The following JAG2 variants were observed in gnomAD, a reference collection of about 807,000 sequenced individuals.
JAG2 encodes protein jagged-2.
In JAG2, 46 loss-of-function variants were observed where a neutral mutation model predicts 141.7. The observed-to-expected ratio is 0.32, with a 90% confidence interval of 0.26 to 0.42. The LOEUF (loss-of-function observed/expected upper bound fraction) is 0.42, where lower values mean the gene tolerates loss of function less well. JAG2 is among the 10% of genes least tolerant of loss of function. The pLI, the probability that JAG2 is intolerant of heterozygous loss-of-function variation, is 1.00. For missense variants in JAG2, 1,500 were observed against 1,817.5 expected (o/e 0.83, Z 3.18); for synonymous variants, 862 against 763.5 (o/e 1.13, Z -2.13).
At chr14:105,149,786 G>A (rs587691753) in intron 12 of JAG2, among the ~76,000 whole-genome samples, 38 of 142,916 alleles carry the variant, frequency 2.7e-4, no homozygotes, top group African/African-American at 9.0e-4. Context: ...GATCGTGGGC[G>A]GCCGAGGGTG....
intron 5 of JAG2, among the ~76,000 whole-genome samples, chr14:105,155,218 G>A (rs1407538552): frequency 3.3e-5 from 5 of 151,102 alleles, no homozygotes; most frequent in African/African-American, 1.2e-4. Context: ...GCCGCTCGCC[G>A]CCCACCCCCT....
At position 105,168,043 on chromosome 14, in the gene JAG2, AG is replaced by A; in HGVS notation, c.130del (p.Leu44CysfsTer2). On this transcript the variant is annotated frameshift_variant, in exon 2 of 26. Transcript: ENST00000331782. LOFTEE classifies it high-confidence loss of function. Reference protein sequence around the residue: ...LSALRNVNGELLSGACCDGDG... With the variant: ...LSALRNVNGEXLSGACCDGDG... ...GCCGTCACAGCAGGCGCCGCTCAGC[AG>A]CTCCCCGTTCACGTTCCGCAGCGCG... The A allele has an allele frequency of 6.3e-7, 1 of 1,594,292 alleles. No individual in the cohort carries two copies. The highest frequency in any genetic ancestry group is 8.5e-7 in the Non-Finnish European group (1 of 1,176,534).
intron 3 of JAG2, 109 bp downstream of exon 3, chr14:105,157,597 G>T: frequency 4.6e-6 from 5 of 1,080,966 alleles, no homozygotes; most frequent in Admixed American, 4.0e-5. Context: ...CAGCACACAT[G>T]ATCCTCAGGG....
At chr14:105,164,834 G>T (rs922562932) in intron 2 of JAG2, among the ~76,000 whole-genome samples, 1 of 152,150 alleles carries the variant, frequency 6.6e-6, no homozygotes, top group African/African-American at 2.4e-5. Flanking sequence ...ATGAAAAAGC[G>T]GCAGTGTGCC....
In JAG2 at chr14:105,151,334, C is replaced by T. The variant is rs753268953; in HGVS notation, c.1216G>A (p.Gly406Ser). 9.3e-6 allele frequency: 15 copies of T among 1,612,642 alleles called. No homozygotes were observed. Among genetic ancestry groups the T allele is most frequent in the Middle Eastern group, 1.6e-4 (1 of 6,084 alleles). ...TGCTCGGGGCAGATGCACTCAAAGC[C>T]GTCCACCTGGTCCACACAGGTGCCA... ...AGGTCVDQVD[G>S]FECICPEQWV... Residue 406 changes from glycine to serine, a missense_variant, in exon 9 of 26, where the codon GGC becomes AGC. Physicochemically the swap from Gly to Ser is moderately conservative, Grantham distance 56. Transcript: ENST00000331782.
chr14:105,165,425 C>T (rs1450187179), intron 2 of JAG2, among the ~76,000 whole-genome samples: 2 of 152,160 alleles, frequency 1.3e-5, no homozygotes, highest in Non-Finnish European at 2.9e-5. Flanking sequence ...AGGCTGACAC[C>T]GGCCTCCTGG....
Position 105,151,565 on chromosome 14 carries a change from C to T in JAG2, c.1153+61G>A, listed in dbSNP as rs587703640. 40 of 1,439,524 alleles carry T rather than the reference C, an allele frequency of 2.8e-5. 2 individuals carry two copies. The South Asian group carries it at 4.4e-4, about 16-fold the overall frequency. 89.2% of individuals were successfully genotyped at this position (1,439,524 alleles called of 1,614,324 possible). A position where few individuals can be genotyped will look rare whatever the true frequency, so the allele number is the denominator to read the frequency against. ...CTGCACCCCATCCCCAGCGAGTTGCCCCACTCCCAGACCCCCACTGATACT... is the reference window on the plus strand; with the variant it reads ...CTGCACCCCATCCCCAGCGAGTTGCTCCACTCCCAGACCCCCACTGATACT... On this transcript the variant is annotated intron_variant, in intron 8 of 25. Transcript: ENST00000331782.
chr14:105,162,770 GTA>G (rs1888793282), intron 2 of JAG2, among the ~76,000 whole-genome samples: 1 of 69,646 alleles, frequency 1.4e-5, no homozygotes, highest in Admixed American at 1.7e-4. Flanking sequence ...ATGGCCCAGT[GTA>G]CCCACAGTCC....
At chr14:105,166,257 C>A (rs1472595008) in intron 2 of JAG2, among the ~76,000 whole-genome samples, 1 of 152,260 alleles carries the variant, frequency 6.6e-6, no homozygotes, top group South Asian at 2.1e-4. Flanking sequence ...CGCGATAGCC[C>A]GCCACATTCC....
In JAG2 at chr14:105,168,180, G is replaced by A. The variant is rs587709029; in HGVS notation, c.67-73C>T. On this transcript the variant is annotated intron_variant, in intron 1 of 25. Transcript: ENST00000331782. ...GGCGGGCCGGGCGCCAGGGGTGGGG[G>A]AACAGGCCCCGCCGCCCCGCCCCCA... 1.2e-4 allele frequency: 160 copies of A among 1,295,054 alleles called. 1 individual carries two copies. In the Admixed American group the frequency reaches 5.9e-3, roughly 48 times the overall value. 80.2% of individuals were successfully genotyped at this position (1,295,054 alleles called of 1,614,324 possible).
chr14:105,153,532 C>T (rs1240041617), intron 5 of JAG2, among the ~76,000 whole-genome samples: 1 of 152,232 alleles, frequency 6.6e-6, no homozygotes, highest in Non-Finnish European at 1.5e-5. Flanking sequence ...ACCAGGCCCC[C>T]ACCTCCTGGT....
intron 17 of JAG2, 77 bp from the exon 18 acceptor site, chr14:105,147,965 C>A: frequency 7.9e-7 from 1 of 1,269,900 alleles, no homozygotes; most frequent in Non-Finnish European, 1.1e-6. Context: ...CGCCCCCAAC[C>A]CAGACAGGGC....
rs587670525 is a variant in JAG2, at chr14:105,157,162, G to A, written c.475+544C>T. ...ATAAGGCAGCCACAGCTTGCCAGGC[G>A]GAGCCCGTGTCCTCTCAGTGGCTTG... On this transcript the variant is annotated intron_variant, in intron 3 of 25. Transcript: ENST00000331782. 5.3e-5 allele frequency among the ~76,000 whole-genome samples: 8 copies of A among 152,250 alleles called. No homozygotes were observed. In the East Asian group the frequency reaches 1.5e-3, roughly 29 times the overall value.
rs1223310872 is a variant in JAG2, at chr14:105,149,218, T to C, written c.1705A>G (p.Lys569Glu). The C allele has an allele frequency of 1.2e-6, 2 of 1,612,310 alleles. No individual in the cohort carries two copies. Among genetic ancestry groups the C allele is most frequent in the Non-Finnish European group, 1.7e-6 (2 of 1,179,880 alleles). Residue 569 changes from lysine (K) to glutamate (E), a missense_variant, in exon 13 of 26, where the codon AAG (lysine) becomes GAG (glutamate). Physicochemically the swap from Lys to Glu is moderately conservative, Grantham distance 56. Around this residue, in one of 3 missense-constraint regions of JAG2, gnomAD observed 875 missense variants for 1,202.2 expected, o/e 0.73. Coordinates refer to ENST00000331782, the MANE Select transcript of JAG2 (RefSeq NM_002226.5). ...GGCTCGCGGGGCACGGAGCAGTTCT[T>C]GCCACCAAAGTCATCAGGGCAGGCG... ...YCACPDDFGG[K>E]NCSVPREPCP...
At position 105,146,622 on chromosome 14, in the gene JAG2, C is replaced by T. The variant is rs142270463; in HGVS notation, c.2582G>A (p.Arg861Gln). Reference protein sequence around the residue: ...CSCPPGRAGPRCQEVIGFGRS... With the variant: ...CSCPPGRAGPQCQEVIGFGRS... ...CACACGGGGCCTACCTTCCTGGCAC[C>T]GGGGGCCGGCTCGGCCGGGTGGGCA... The change falls in exon 21 of 26, where the codon CGG becomes CAG. Residue 861 changes from arginine to glutamine, a missense_variant. Arg to Gln is a conservative substitution (Grantham distance 43). This residue lies in a region of JAG2 where 875 missense variants were observed against 1,202.2 expected (regional missense o/e 0.73). Transcript: ENST00000331782. 138 of 1,612,534 alleles carry T rather than the reference C, an allele frequency of 8.6e-5. 1 individual carries two copies. The African/African-American group carries it at 1.1e-3, about 13-fold the overall frequency.
intron 19 of JAG2, 33 bp from the exon 20 acceptor site, chr14:105,147,444 C>T: frequency 6.2e-7 from 1 of 1,609,982 alleles, no homozygotes; most frequent in South Asian, 1.1e-5. Context: ...CAGGTGGCCC[C>T]CCGTGGTATG....
intron 20 of JAG2, 192 bp from the exon 21 acceptor site, chr14:105,146,916 A>G: frequency 1.5e-6 from 1 of 667,318 alleles, no homozygotes; most frequent in Admixed American, 2.1e-5. Flanking sequence ...CTGGCCCAAC[A>G]GCACCCTCCT....
chr14:105,147,570 C>T (rs940806306), intron 18 of JAG2, 43 bp from the exon 19 acceptor site: 1 of 1,591,468 alleles, frequency 6.3e-7, no homozygotes, highest in Non-Finnish European at 8.6e-7. Flanking sequence ...TACCCACCCC[C>T]CAAGCGTGCC....
Position 105,168,740 on chromosome 14 carries a change from C to G in JAG2, c.-320G>C. ...CCGGCCTCGGCTCTGCGCGCCCGCGCTCCCGGCACCGCAGCCAACAAGTTC... is the reference window on the plus strand; with the variant it reads ...CCGGCCTCGGCTCTGCGCGCCCGCGGTCCCGGCACCGCAGCCAACAAGTTC... On this transcript the variant is annotated 5_prime_UTR_variant, in exon 1 of 26. Coordinates refer to ENST00000331782, the MANE Select transcript of JAG2 (RefSeq NM_002226.5). The G allele has an allele frequency of 5.8e-6, 1 of 172,216 alleles. No individual in the cohort carries two copies. Among genetic ancestry groups the G allele is most frequent in the Non-Finnish European group, 1.2e-5 (1 of 82,432 alleles). 10.7% of individuals were successfully genotyped at this position (172,216 alleles called of 1,614,324 possible). A position where few individuals can be genotyped will look rare whatever the true frequency, so the allele number is the denominator to read the frequency against.
Sources: allele counts gnomAD v4.1 joint callset (sites outside exome capture counted in the v4.1 genomes callset), GRCh38; gene constraint gnomAD v4.1.1; regional missense constraint gnomAD v4.1.1; transcripts MANE v1.5; gene names NCBI Gene and HGNC (gene_info 2026-07-23, HGNC 2026-07-21).